The following ZNF678 variants were observed in gnomAD, a reference collection of about 807,000 sequenced individuals.
ZNF678 encodes the protein zinc finger protein 678.
A neutral mutation model predicts 3.0 loss-of-function variants in ZNF678; 5 were observed. That is an observed-to-expected ratio of 1.69 (90% CI 0.88 to 3.56). ZNF678 has a LOEUF of 3.56. Among genes scored for constraint, ZNF678 ranks in the 30% most tolerant of loss-of-function variants. ZNF678 has a pLI of 0.00. For synonymous variants in ZNF678, 218 were observed against 199.6 expected (o/e 1.09, Z -0.78); for missense variants, 593 against 605.0 (o/e 0.98, Z 0.21).
intron 1 of ZNF678, among the ~76,000 whole-genome samples, chr1:227,573,642 T>C (rs1251136770): frequency 7.2e-6 from 1 of 138,078 alleles, no homozygotes; most frequent in Non-Finnish European, 1.6e-5. Flanking sequence ...ATACAAATGT[T>C]AGCACTCAGT....
At chr1:227,603,538 G>T (rs1043680193) in intron 1 of ZNF678, among the ~76,000 whole-genome samples, 2 of 152,168 alleles carry the variant, frequency 1.3e-5, no homozygotes, top group East Asian at 3.9e-4. Flanking sequence ...CACTGGGCCC[G>T]ACTCCAGGTG....
chr1:227,677,911 C>G (rs1230742359), downstream of ZNF678, among the ~76,000 whole-genome samples: 1 of 152,188 alleles, frequency 6.6e-6, no homozygotes, highest in African/African-American at 2.4e-5. Context: ...AAATGCAATT[C>G]TATACTCATC....
At chr1:227,598,640 C>G in intron 1 of ZNF678, 1 of 555,454 alleles carries the variant, frequency 1.8e-6, no homozygotes. Flanking sequence ...TTTTGCTGAG[C>G]CCTTTAATGT....
intron 3 of ZNF678, among the ~76,000 whole-genome samples, chr1:227,652,140 A>G (rs767265441): frequency 6.6e-6 from 1 of 152,214 alleles, no homozygotes; most frequent in Non-Finnish European, 1.5e-5. Context: ...TATGTTCCCA[A>G]TAAATGAACA....
chr1:227,623,207 C>T (rs1268769278), intron 1 of ZNF678, among the ~76,000 whole-genome samples: 1 of 152,206 alleles, frequency 6.6e-6, no homozygotes, highest in African/African-American at 2.4e-5. Flanking sequence ...CAATACCAAG[C>T]ATAGTGATGC....
chr1:227,604,179 T>C (rs1346680562), intron 1 of ZNF678, among the ~76,000 whole-genome samples: 1 of 152,222 alleles, frequency 6.6e-6, no homozygotes, highest in Non-Finnish European at 1.5e-5. Flanking sequence ...TTTCATCTCT[T>C]TTGGGCACAT....
chr1:227,566,681 TTTA>T (rs1323101116), intron 1 of ZNF678, among the ~76,000 whole-genome samples: 2 of 152,258 alleles, frequency 1.3e-5, no homozygotes, highest in African/African-American at 4.8e-5. Flanking sequence ...TCATCAGTTT[TTTA>T]TTAAGTATAT....
At chr1:227,580,125 C>T (rs1657088458) in intron 1 of ZNF678, among the ~76,000 whole-genome samples, 1 of 152,096 alleles carries the variant, frequency 6.6e-6, no homozygotes, top group Non-Finnish European at 1.5e-5. Context: ...TATTGTGGTC[C>T]AAAAATGAGT....
chr1:227,647,434 T>G lies in ZNF678; in HGVS notation c.-37+764T>G, dbSNP rs150454515. Reference sequence around the variant, plus strand: ...TGCCAGCAAGAGTCATGTTATTTTTTCTAATGAAACAGGTCTTGCTGTGTC... The same window carrying G: ...TGCCAGCAAGAGTCATGTTATTTTTGCTAATGAAACAGGTCTTGCTGTGTC... On this transcript the variant is annotated intron_variant, in intron 2 of 3. Coordinates refer to ENST00000343776, the MANE Select transcript of ZNF678 (RefSeq NM_001367909.1). Among the ~76,000 whole-genome samples the G allele has an allele frequency of 2.1e-3, 321 of 152,316 alleles. 1 individual carries two copies. Among genetic ancestry groups the G allele is most frequent in the Admixed American group, 2.2e-3 (34 of 15,294 alleles).
At chr1:227,567,592 A>G (rs899117782) in intron 1 of ZNF678, among the ~76,000 whole-genome samples, 3 of 152,204 alleles carry the variant, frequency 2.0e-5, no homozygotes, top group African/African-American at 7.2e-5. Flanking sequence ...CGGGTTCAGA[A>G]GCTCTTTCTG....
chr1:227,654,271 G>T, intron 3 of ZNF678, 65 bp from the exon 4 acceptor site: 1 of 1,216,004 alleles, frequency 8.2e-7, no homozygotes, highest in Non-Finnish European at 1.1e-6. Flanking sequence ...ATATTTATTA[G>T]ATTTGTAAAG....
downstream of ZNF678, among the ~76,000 whole-genome samples, chr1:227,665,793 T>C (rs964559919): frequency 2.0e-5 from 3 of 152,242 alleles, no homozygotes; most frequent in African/African-American, 7.2e-5. Context: ...TATCTTTTTC[T>C]AGTCAATAAT....
chr1:227,664,088 A>G (rs1429133213), downstream of ZNF678, among the ~76,000 whole-genome samples: 1 of 152,222 alleles, frequency 6.6e-6, no homozygotes, highest in African/African-American at 2.4e-5. Context: ...GGACACTTCC[A>G]TTAAAAGTTC....
intron 1 of ZNF678, among the ~76,000 whole-genome samples, chr1:227,644,695 T>C (rs1049908212): frequency 3.3e-5 from 5 of 152,202 alleles, no homozygotes; most frequent in Admixed American, 3.3e-4. Context: ...GGGCTCAGAA[T>C]AGCAAATGAT....
chr1:227,667,065 A>G (rs1389756644), downstream of ZNF678, among the ~76,000 whole-genome samples: 2 of 150,626 alleles, frequency 1.3e-5, no homozygotes, highest in African/African-American at 4.9e-5. Flanking sequence ...TTTTTTTTAA[A>G]CAGAAACTCA....
intron 1 of ZNF678, among the ~76,000 whole-genome samples, chr1:227,586,256 T>C (rs930128630): frequency 1.3e-5 from 2 of 152,146 alleles, no homozygotes; most frequent in Non-Finnish European, 1.5e-5. Context: ...AACAAAATAT[T>C]ATTCACAGGA....
chr1:227,585,421 A>G (rs1159986695), intron 1 of ZNF678, among the ~76,000 whole-genome samples: 2 of 152,248 alleles, frequency 1.3e-5, no homozygotes, highest in Admixed American at 1.3e-4. Context: ...TTGTGGAGAA[A>G]TCAGGCAAAC....
intron 5 of ZNF678, among the ~76,000 whole-genome samples, chr1:227,671,427 C>T (rs1019152863): frequency 3.3e-5 from 5 of 152,106 alleles, no homozygotes; most frequent in Non-Finnish European, 4.4e-5. Context: ...TATCCATGCA[C>T]ATATTGGTGT....
rs1658746132 is a variant in ZNF678, at chr1:227,638,841, C to T, written c.-163-7703C>T. Among the ~76,000 whole-genome samples, 1 of 151,660 alleles carries T rather than the reference C, an allele frequency of 6.6e-6. No individual in the cohort carries two copies. Among genetic ancestry groups the T allele is most frequent in the Non-Finnish European group, 1.5e-5 (1 of 67,886 alleles). ...GCTTGGGGTTTGGAGAGTTGTCCAT[C>T]AATTCCCACAACAGAGACTTGGGAG... On this transcript the variant is annotated intron_variant, in intron 1 of 3. Coordinates refer to ENST00000343776, the MANE Select transcript of ZNF678 (RefSeq NM_001367909.1). This position sits in a 1 kb window ranked among gnomAD's most constrained non-coding sequence, Gnocchi z 4.2.
Sources: allele counts gnomAD v4.1 joint callset (sites outside exome capture counted in the v4.1 genomes callset), GRCh38; gene constraint gnomAD v4.1.1; non-coding constraint Gnocchi (gnomAD v3.1); transcripts MANE v1.5; gene names NCBI Gene and HGNC (gene_info 2026-07-23, HGNC 2026-07-21).